SLCO1B1: variants seen among roughly 807,000 people sequenced by gnomAD.
SLCO1B1 encodes solute carrier organic anion transporter family member 1B1, also known as OATP-2.
Under a neutral mutation model 70.1 loss-of-function variants are expected in SLCO1B1, and 81 were observed. The ratio of observed to expected loss-of-function variants is 1.16; its 90% confidence interval spans 0.97 to 1.39. SLCO1B1 has a LOEUF of 1.39. SLCO1B1 is among the 40% of genes most tolerant of loss of function. The pLI, the probability that SLCO1B1 is intolerant of heterozygous loss-of-function variation, is 0.00. For synonymous variants in SLCO1B1, 283 were observed against 271.5 expected (o/e 1.04, Z -0.42); for missense variants, 895 against 799.6 (o/e 1.12, Z -1.44).
At chr12:21,187,116 G>A (rs963989925) in intron 7 of SLCO1B1, among the ~76,000 whole-genome samples, 7 of 152,054 alleles carry the variant, frequency 4.6e-5, no homozygotes, top group Non-Finnish European at 1.0e-4. Flanking sequence ...AGAAAGCCAC[G>A]AAGGACGTTT....
chr12:21,170,976 A>T (rs995931657), intron 2 of SLCO1B1, among the ~76,000 whole-genome samples: 8 of 152,224 alleles, frequency 5.3e-5, no homozygotes, highest in African/African-American at 1.9e-4. Flanking sequence ...TTTGTGACAG[A>T]CACTGTCCTA....
intron 14 of SLCO1B1, among the ~76,000 whole-genome samples, chr12:21,235,612 G>A (rs1044052620): frequency 2.0e-5 from 3 of 151,712 alleles, no homozygotes; most frequent in African/African-American, 7.3e-5. Context: ...CTTTATAGTT[G>A]CAATTGTGTA....
In SLCO1B1 at chr12:21,141,395, T is replaced by C. The variant is rs11045784; in HGVS notation, c.-61-119T>C. On this transcript the variant is annotated intron_variant, in intron 1 of 14. Coordinates refer to ENST00000256958, the MANE Select transcript of SLCO1B1 (RefSeq NM_006446.5). ...ACCTAGCAGAGTGGTAACGACATAG[T>C]AGACCCTGAGTGAATGTTAGTGAAT... 5.4e-3 allele frequency: 2,514 copies of C among 467,800 alleles called. 61 individuals are homozygous for C. Among genetic ancestry groups the C allele is most frequent in the African/African-American group, 0.044 (2,244 of 50,532 alleles). The allele number at this position is 467,800 out of a possible 1,614,324, so 29.0% of individuals were successfully genotyped here. A position where few individuals can be genotyped will look rare whatever the true frequency, so the allele number is the denominator to read the frequency against.
chr12:21,188,701 C>T (rs977029852), intron 7 of SLCO1B1, among the ~76,000 whole-genome samples: 3 of 152,112 alleles, frequency 2.0e-5, no homozygotes, highest in Admixed American at 2.0e-4. Flanking sequence ...TACCTCCCCC[C>T]TCTCTTCTTC....
At chr12:21,189,441 GT>G (rs1307533042) in intron 7 of SLCO1B1, among the ~76,000 whole-genome samples, 1 of 140,312 alleles carries the variant, frequency 7.1e-6, no homozygotes, top group African/African-American at 2.6e-5. Flanking sequence ...TAGCCTAATT[GT>G]TTTTTCAAAT....
At chr12:21,133,933 A>G (rs1401286555) in intron 1 of SLCO1B1, among the ~76,000 whole-genome samples, 1 of 152,180 alleles carries the variant, frequency 6.6e-6, no homozygotes, top group East Asian at 1.9e-4. Flanking sequence ...GAATGCTTCC[A>G]GTTTTTGCCC....
intron 2 of SLCO1B1, among the ~76,000 whole-genome samples, chr12:21,160,955 A>G (rs557645045): frequency 2.9e-4 from 44 of 152,312 alleles, no homozygotes; most frequent in Non-Finnish European, 5.1e-4. Flanking sequence ...CAAAACCACA[A>G]TGAGACATTA....
chr12:21,239,012 A>G lies in SLCO1B1; in HGVS notation c.1899A>G (p.Arg633=), dbSNP rs1941621236. The change falls in exon 15 of 15, where the codon AGA becomes AGG. Residue 633 remains arginine (R), a synonymous_variant. Coordinates refer to ENST00000256958, the MANE Select transcript of SLCO1B1 (RefSeq NM_006446.5). Reference sequence around the variant, plus strand: ...ACTTGGGCTTGTCTTCAATGTTAAGAGTCTCATCACTTGTTTTATATATTA... The same window carrying G: ...ACTTGGGCTTGTCTTCAATGTTAAGGGTCTCATCACTTGTTTTATATATTA... ...RVYLGLSSML[R]VSSLVLYIIL... 1.3e-6 allele frequency: 2 copies of G among 1,584,710 alleles called. No individual in the cohort carries two copies. Among genetic ancestry groups the G allele is most frequent in the African/African-American group, 1.3e-5 (1 of 74,318 alleles).
chr12:21,174,080 C>T (rs150686110), intron 3 of SLCO1B1, among the ~76,000 whole-genome samples: 4 of 151,976 alleles, frequency 2.6e-5, no homozygotes, highest in South Asian at 2.1e-4. Context: ...AATTAAGTTC[C>T]GCCTTTCTGT....
chr12:21,219,834 T>C (rs1247488765), intron 12 of SLCO1B1, among the ~76,000 whole-genome samples: 1 of 114,822 alleles, frequency 8.7e-6, no homozygotes, highest in African/African-American at 3.3e-5. Context: ...AACCTTGGAT[T>C]GCTGCAACCC....
intron 8 of SLCO1B1, among the ~76,000 whole-genome samples, chr12:21,197,895 C>A (rs1008620162): frequency 5.3e-5 from 8 of 152,014 alleles, no homozygotes; most frequent in African/African-American, 1.9e-4. Flanking sequence ...TGAATATAAA[C>A]CCTGGGACTA....
intron 10 of SLCO1B1, among the ~76,000 whole-genome samples, chr12:21,204,526 A>AG (rs565902756): frequency 2.4e-3 from 364 of 151,896 alleles, no homozygotes; most frequent in African/African-American, 8.0e-3. Flanking sequence ...TCCAAAAAAA[A>AG]AAAAAACCCT....
At chr12:21,201,388 C>T (rs190155537) in intron 9 of SLCO1B1, among the ~76,000 whole-genome samples, 5 of 152,090 alleles carry the variant, frequency 3.3e-5, no homozygotes, top group East Asian at 3.9e-4. Flanking sequence ...AGTTTAAAAT[C>T]GAAAAATAAT....
At chr12:21,133,641 A>G (rs1307311650) in intron 1 of SLCO1B1, among the ~76,000 whole-genome samples, 7 of 151,918 alleles carry the variant, frequency 4.6e-5, no homozygotes, top group Non-Finnish European at 1.0e-4. Flanking sequence ...TTTGTCTGTT[A>G]TTGGTGTATA....
chr12:21,175,764 C>T (rs1224544085), intron 4 of SLCO1B1, among the ~76,000 whole-genome samples: 1 of 151,932 alleles, frequency 6.6e-6, no homozygotes, highest in Non-Finnish European at 1.5e-5. Flanking sequence ...CTTTTGGCAC[C>T]ATACCGTCAG....
intron 8 of SLCO1B1, among the ~76,000 whole-genome samples, chr12:21,197,917 T>C (rs557140086): frequency 1.4e-4 from 21 of 152,188 alleles, no homozygotes; most frequent in African/African-American, 3.1e-4. Flanking sequence ...TGGAGAACCA[T>C]TGAGAGTCAA....
chr12:21,167,334 G>A (rs1940698757), intron 2 of SLCO1B1, among the ~76,000 whole-genome samples: 1 of 152,164 alleles, frequency 6.6e-6, no homozygotes. Flanking sequence ...AGTAGACAGT[G>A]AGAGAGGAAT....
intron 2 of SLCO1B1, among the ~76,000 whole-genome samples, chr12:21,145,227 G>A (rs1412528764): frequency 6.6e-6 from 1 of 152,098 alleles, no homozygotes; most frequent in Non-Finnish European, 1.5e-5. Context: ...TTATCTCAGA[G>A]TTGTCAGGAT....
chr12:21,210,086 G>C (rs1470331255), intron 11 of SLCO1B1, among the ~76,000 whole-genome samples: 1 of 146,166 alleles, frequency 6.8e-6, no homozygotes, highest in African/African-American at 2.5e-5. Context: ...TGTCAATTTT[G>C]TCTTTTGTTG....
Sources: allele counts gnomAD v4.1 joint callset (sites outside exome capture counted in the v4.1 genomes callset), GRCh38; gene constraint gnomAD v4.1.1; transcripts MANE v1.5; gene names NCBI Gene and HGNC (gene_info 2026-07-23, HGNC 2026-07-21).